Variants in XPO4 observed in about 807,000 individuals in gnomAD.
XPO4 encodes exportin 4, also known as exportin-4.
XPO4 carries 39 observed loss-of-function variants against 143.0 expected under a neutral mutation model. That is an observed-to-expected ratio of 0.27 (90% CI 0.21 to 0.36). The LOEUF is 0.36. Ranked by LOEUF, XPO4 falls within the 10% of genes least tolerant of loss-of-function variation. XPO4 has a pLI of 1.00. For synonymous variants in XPO4, 439 were observed against 474.0 expected (o/e 0.93, Z 0.96); for missense variants, 907 against 1,348.0 (o/e 0.67, Z 5.12).
chr13:20,864,451 T>C (rs2060227509), intron 2 of XPO4, among the ~76,000 whole-genome samples: 1 of 152,130 alleles, frequency 6.6e-6, no homozygotes, highest in African/African-American at 2.4e-5. Flanking sequence ...AAATCTAAGG[T>C]ACTCTAAGAA....
At chr13:20,811,803 C>T (rs2059586161) in intron 9 of XPO4, among the ~76,000 whole-genome samples, 1 of 152,064 alleles carries the variant, frequency 6.6e-6, no homozygotes. Context: ...TCCTACAATA[C>T]AGAAGGATGG....
chr13:20,870,024 C>T (rs541116114), intron 1 of XPO4, among the ~76,000 whole-genome samples: 3 of 140,470 alleles, frequency 2.1e-5, no homozygotes, highest in East Asian at 4.5e-4. Context: ...CGCTTGAACC[C>T]GGGAGGCAGA....
At chr13:20,793,922 G>T (rs2059320022) in intron 18 of XPO4, among the ~76,000 whole-genome samples, 1 of 152,188 alleles carries the variant, frequency 6.6e-6, no homozygotes, top group African/African-American at 2.4e-5. Flanking sequence ...GCTGGGGGAG[G>T]ATCCTCCATC....
chr13:20,874,011 T>A (rs1566620009), intron 1 of XPO4, among the ~76,000 whole-genome samples: 1 of 152,202 alleles, frequency 6.6e-6, no homozygotes, highest in Non-Finnish European at 1.5e-5. Context: ...TCAGAAATTG[T>A]TGCATGCCCA....
rs371837111 is a variant in XPO4 at position 20,785,436 on chromosome 13, G to A, written c.3259-1517C>T. 8.5e-4 allele frequency among the ~76,000 whole-genome samples: 129 copies of A among 152,210 alleles called. 3 individuals are homozygous for A. In the South Asian group the frequency reaches 0.025, roughly 30 times the overall value. Reference sequence around the variant, plus strand: ...CCTGTAATCCTAGGCACTTTGGGAGGCCGAGGCGAGTGGATTGCTTAAGTT... The same window carrying A: ...CCTGTAATCCTAGGCACTTTGGGAGACCGAGGCGAGTGGATTGCTTAAGTT... On this transcript the variant is annotated intron_variant, in intron 22 of 22. Transcript: ENST00000255305.
chr13:20,801,261 T>C (rs1024105349), intron 13 of XPO4, among the ~76,000 whole-genome samples: 1 of 152,244 alleles, frequency 6.6e-6, no homozygotes, highest in Non-Finnish European at 1.5e-5. Flanking sequence ...TCAGCATTAC[T>C]AGCTAAAGAG....
At chr13:20,852,265 G>A in intron 4 of XPO4, 1 of 985,420 alleles carries the variant, frequency 1.0e-6, no homozygotes, top group South Asian at 4.7e-5. Flanking sequence ...ACTGCACACT[G>A]TCAAAATGAA....
chr13:20,862,130 T>C (rs541301100), intron 3 of XPO4, among the ~76,000 whole-genome samples: 2 of 152,294 alleles, frequency 1.3e-5, no homozygotes, highest in African/African-American at 2.4e-5. Context: ...ACATTTGATT[T>C]GTTAGTGGTA....
intron 1 of XPO4, among the ~76,000 whole-genome samples, chr13:20,874,088 T>C (rs1047404392): frequency 1.3e-5 from 2 of 152,212 alleles, no homozygotes; most frequent in African/African-American, 2.4e-5. Flanking sequence ...TTAAAGCCCA[T>C]GCTTTGAACC....
intron 1 of XPO4, among the ~76,000 whole-genome samples, chr13:20,877,110 C>T (rs898746190): frequency 1.3e-5 from 2 of 152,190 alleles, no homozygotes; most frequent in Non-Finnish European, 2.9e-5. Flanking sequence ...CAAGTGCCCC[C>T]ACTCGACCCA....
intron 6 of XPO4, 88 bp from the exon 7 acceptor site, chr13:20,827,267 A>G: frequency 2.2e-6 from 2 of 892,526 alleles, no homozygotes; most frequent in Non-Finnish European, 3.7e-6. Context: ...GCCATCTAGA[A>G]AGAATTTGTA....
chr13:20,788,159 G>A (rs920447267), intron 20 of XPO4, among the ~76,000 whole-genome samples: 3 of 151,304 alleles, frequency 2.0e-5, no homozygotes, highest in Non-Finnish European at 4.4e-5. Context: ...GGGTTCAAGC[G>A]ATACTCCTGC....
rs1364107138 is a variant in XPO4 at position 20,862,764 on chromosome 13, G to A, written c.270C>T (p.Ile90=). 6.2e-6 allele frequency: 10 copies of A among 1,614,020 alleles called. No homozygotes were observed. Among genetic ancestry groups the A allele is most frequent in the Admixed American group, 3.3e-5 (2 of 59,990 alleles). The stretch of plus-strand genomic sequence containing the variant: ...TTAAAAGGAATGTTCGCAGAGACTC[G>A]ATGCTACCTTTTTCCAAGAGAATCC... ...REWILLEKGS[I]ESLRTFLLTY... is the part of the protein sequence containing the mutation. The change falls in exon 3 of 23, where the codon ATC becomes ATT. Residue 90 remains isoleucine (I), a synonymous_variant. Transcript: ENST00000255305.
chr13:20,801,103 G>A, intron 13 of XPO4, 113 bp from the exon 14 acceptor site: 1 of 1,184,682 alleles, frequency 8.4e-7, no homozygotes, highest in Non-Finnish European at 1.2e-6. Context: ...ATTTAGGTCA[G>A]GCTATACTTG....
chr13:20,848,725 T>C, intron 4 of XPO4: 2 of 985,428 alleles, frequency 2.0e-6, no homozygotes, highest in Non-Finnish European at 2.4e-6. Context: ...AATCAGTGTT[T>C]ACTTCTATGC....
chr13:20,899,159 G>C (rs1193150862), intron 1 of XPO4, among the ~76,000 whole-genome samples: 1 of 152,110 alleles, frequency 6.6e-6, no homozygotes, highest in Non-Finnish European at 1.5e-5. Flanking sequence ...CATGGGTGGA[G>C]GCGGTTCCTG....
At chr13:20,896,608 G>A (rs1339605842) in intron 1 of XPO4, among the ~76,000 whole-genome samples, 1 of 152,056 alleles carries the variant, frequency 6.6e-6, no homozygotes, top group South Asian at 2.1e-4. Context: ...AAGAACTAAT[G>A]GTTCCAACAG....
rs140630762 is a variant in XPO4 at position 20,836,317 on chromosome 13, C to T, written c.727+6578G>A. ...TTCGGTGTAGATCAAAAACAATCTA[C>T]ATCTTACCTATCGGTAACAGACGAT... is the stretch of plus-strand genomic sequence containing the variant. On this transcript the variant is annotated intron_variant, in intron 6 of 22. Coordinates refer to ENST00000255305, the MANE Select transcript of XPO4 (RefSeq NM_022459.5). 3.4e-3 allele frequency among the ~76,000 whole-genome samples: 490 copies of T among 144,020 alleles called. 4 individuals are homozygous for T. The highest frequency in any genetic ancestry group is 6.0e-3 in the Non-Finnish European group (390 of 64,606). The allele number at this position is 144,020 out of a possible 152,430, so 94.5% of individuals were successfully genotyped here.
chr13:20,809,994 A>C, intron 9 of XPO4, 27 bp from the exon 10 acceptor site: 1 of 1,563,794 alleles, frequency 6.4e-7, no homozygotes, highest in African/African-American at 1.4e-5. Flanking sequence ...CTCATAAAAC[A>C]AATGTCCAGA....
Sources: gnomAD v4.1 joint callset for allele counts (sites outside exome capture counted in the v4.1 genomes callset) on GRCh38, gnomAD v4.1.1 for gene constraint, MANE v1.5 for transcripts, NCBI Gene and HGNC (gene_info 2026-07-23, HGNC 2026-07-21) for gene names.